The following PDIA5 variants were observed in gnomAD, a reference collection of about 807,000 sequenced individuals.
The protein encoded by PDIA5 is protein disulfide isomerase family A member 5.
Under a neutral mutation model 77.6 loss-of-function variants are expected in PDIA5, and 58 were observed. The observed-to-expected ratio is 0.75, with a 90% CI of 0.61 to 0.93. The LOEUF (loss-of-function observed/expected upper bound fraction) is 0.93. Among genes scored for constraint, PDIA5 ranks in the 40% least tolerant of loss-of-function variants. PDIA5 has a pLI of 0.00. For synonymous variants in PDIA5, 250 were observed against 252.1 expected (o/e 0.99, Z 0.08); for missense variants, 630 against 647.7 (o/e 0.97, Z 0.30).
Position 123,124,166 on chromosome 3 carries a change from C to T in PDIA5, c.701+9C>T. 1 of 1,610,240 alleles carries T rather than the reference C, an allele frequency of 6.2e-7. No individual in the cohort carries two copies. The highest frequency in any genetic ancestry group is 8.5e-7 in the Non-Finnish European group (1 of 1,176,374). On this transcript the variant is annotated intron_variant, in intron 9 of 16. Coordinates refer to ENST00000316218, the MANE Select transcript of PDIA5 (RefSeq NM_006810.4). ...ACCATCTGCTATTTTGAGTACGTCC[C>T]CCACTTTCCTTCTAAAGCTCACCTC...
chr3:123,161,711 C>G, intron 16 of PDIA5, 169 bp from the exon 17 acceptor site: 1 of 667,332 alleles, frequency 1.5e-6, no homozygotes, highest in Non-Finnish European at 2.6e-6. Context: ...ACTTGCTGGT[C>G]GGGGCTGGTG....
intron 1 of PDIA5, 80 bp from the exon 2 acceptor site, chr3:123,089,088 G>A (rs528951983): frequency 1.4e-6 from 2 of 1,404,992 alleles, no homozygotes; most frequent in South Asian, 2.6e-5. Context: ...GCAGCTCTAG[G>A]CAGCACATCC....
At position 123,130,568 on chromosome 3, in the gene PDIA5, C is replaced by T. The variant is rs770477867; in HGVS notation, c.862C>T (p.Gln288Ter). 2 of 1,614,152 alleles carry T rather than the reference C, an allele frequency of 1.2e-6. No individual in the cohort carries two copies. Among genetic ancestry groups the T allele is most frequent in the South Asian group, 1.1e-5 (1 of 91,086 alleles). ...VYHLTDEDFD[Q>*]FVKEHSSVLV... ...TCACCTGACCGATGAAGACTTTGAC[C>T]AGTTTGTGAAGGAACACTCCTCTGT... Residue 288 changes from glutamine (Q) to a stop codon, truncating the protein, a stop_gained, in exon 11 of 17, where the codon CAG becomes TAG. Transcript: ENST00000316218. LOFTEE classifies it high-confidence loss of function.
At chr3:123,141,489 C>T (rs191560597) in intron 11 of PDIA5, among the ~76,000 whole-genome samples, 4 of 152,314 alleles carry the variant, frequency 2.6e-5, no homozygotes, top group Admixed American at 6.5e-5. Context: ...GTTGAACTCT[C>T]GGGCGATAGA....
intron 1 of PDIA5, among the ~76,000 whole-genome samples, chr3:123,086,840 TTA>T (rs1164703691): frequency 1.3e-5 from 2 of 152,232 alleles, no homozygotes; most frequent in Non-Finnish European, 2.9e-5. Context: ...GTGGTAAATG[TTA>T]TACATCTGAT....
chr3:123,124,055 C>T lies in PDIA5; in HGVS notation c.610-11C>T, dbSNP rs1251171310. The T allele has an allele frequency of 6.2e-7, 1 of 1,601,258 alleles. No homozygotes were observed. The highest frequency in any genetic ancestry group is 1.1e-5 in the South Asian group (1 of 90,824). On this transcript the variant is annotated splice_polypyrimidine_tract_variant and intron_variant, in intron 8 of 16. Coordinates refer to ENST00000316218, the MANE Select transcript of PDIA5 (RefSeq NM_006810.4). ...ACAGGCTCCACACGGCTCTTCTCCG[C>T]TTCCTCCCAGGTGCTGGCCGGGATG...
At chr3:123,142,429 A>G (rs537581664) in intron 11 of PDIA5, among the ~76,000 whole-genome samples, 1 of 152,374 alleles carries the variant, frequency 6.6e-6, no homozygotes, top group South Asian at 2.1e-4. Context: ...CACATGGCTC[A>G]TGATGATGCT....
At chr3:123,088,251 C>A (rs1576436807) in intron 1 of PDIA5, among the ~76,000 whole-genome samples, 3 of 152,156 alleles carry the variant, frequency 2.0e-5, no homozygotes, top group Admixed American at 2.0e-4. Flanking sequence ...TTAATAAACC[C>A]CCACCCATTG....
chr3:123,072,105 C>T (rs1169309591), intron 1 of PDIA5, among the ~76,000 whole-genome samples: 7 of 145,030 alleles, frequency 4.8e-5, no homozygotes, highest in Non-Finnish European at 7.5e-5. Context: ...TCAATCAGGC[C>T]GCATGTAGGG....
At chr3:123,161,830 G>T in intron 16 of PDIA5, 50 bp from the exon 17 acceptor site, 1 of 1,203,406 alleles carries the variant, frequency 8.3e-7, no homozygotes, top group Non-Finnish European at 1.2e-6. Flanking sequence ...TGCACAGCCA[G>T]CTCAGGGATT....
Position 123,161,974 on chromosome 3 carries a change from A to G in PDIA5, c.*14A>G, listed in dbSNP as rs11541948. On this transcript the variant is annotated 3_prime_UTR_variant, in exon 17 of 17. Coordinates refer to ENST00000316218, the MANE Select transcript of PDIA5 (RefSeq NM_006810.4). The stretch of plus-strand genomic sequence containing the variant: ...GAAGAGTTATAATTCCTGCCTCAGA[A>G]AAAGCTTTTCCATTACACTGTGAAT... The G allele has an allele frequency of 2.0e-6, 3 of 1,509,736 alleles. No homozygotes were observed. The highest frequency in any genetic ancestry group is 2.8e-6 in the Non-Finnish European group (3 of 1,086,088). The allele number at this position is 1,509,736 out of a possible 1,614,324, so 93.5% of individuals were successfully genotyped here. A position where few individuals can be genotyped will look rare whatever the true frequency, so the allele number is the denominator to read the frequency against.
At position 123,161,311 on chromosome 3, in the gene PDIA5, T is replaced by C. The variant is rs143399213; in HGVS notation, c.1345-10T>C. 3.7e-6 allele frequency: 6 copies of C among 1,613,000 alleles called. No homozygotes were observed. The African/African-American group carries it at 8.0e-5, about 22-fold the overall frequency. ...CACCCTGTGCCAACTCTCTTTACCTTGGCTCCTAGATTGCCTGTGCCGCTG... is the reference window on the plus strand; with the variant it reads ...CACCCTGTGCCAACTCTCTTTACCTCGGCTCCTAGATTGCCTGTGCCGCTG... On this transcript the variant is annotated splice_polypyrimidine_tract_variant and intron_variant, in intron 15 of 16. Transcript: ENST00000316218.
Position 123,161,905 on chromosome 3 carries a change from G to A in PDIA5, c.1505G>A (p.Arg502Gln), listed in dbSNP as rs764062770. Reference protein sequence around the residue: ...RTELGFTNYIRALREGDHERL... With the variant: ...RTELGFTNYIQALREGDHERL... ...GAATTGGGATTTACCAATTATATTC[G>A]AGCCCTCCGGGAGGGAGACCATGAA... The change falls in exon 17 of 17, where the codon CGA becomes CAA. Residue 502 changes from arginine (R) to glutamine (Q), a missense_variant. By Grantham distance (43) the Arg-to-Gln change is conservative. Coordinates refer to ENST00000316218, the MANE Select transcript of PDIA5 (RefSeq NM_006810.4). The A allele has an allele frequency of 6.9e-6, 11 of 1,602,118 alleles. No homozygotes were observed. The highest frequency in any genetic ancestry group is 2.2e-5 in the East Asian group (1 of 44,842).
intron 10 of PDIA5, among the ~76,000 whole-genome samples, chr3:123,128,406 A>G (rs1015880104): frequency 1.3e-5 from 2 of 151,952 alleles, no homozygotes; most frequent in African/African-American, 4.9e-5. Context: ...ACTCCTGCAA[A>G]ATATAGCCTT....
At chr3:123,085,467 G>A (rs994268024) in intron 1 of PDIA5, among the ~76,000 whole-genome samples, 6 of 152,230 alleles carry the variant, frequency 3.9e-5, no homozygotes, top group African/African-American at 1.2e-4. Flanking sequence ...CAAATGCTGG[G>A]TGAGGGGCTT....
At chr3:123,106,607 A>G (rs1934739373) in intron 5 of PDIA5, 142 bp from the exon 6 acceptor site, 1 of 657,740 alleles carries the variant, frequency 1.5e-6, no homozygotes, top group Non-Finnish European at 2.7e-6. Flanking sequence ...CACACCCTCC[A>G]AGCTTATGCC....
Position 123,145,546 on chromosome 3 carries a change from A to C in PDIA5, c.935A>C (p.Lys312Thr). ...GGGTGTGGCCACTGTAAGAAAATGA[A>C]GCCGGAGTTTGAGAAGGCAGCAGAA... ...APWCGHCKKM[K>T]PEFEKAAEAL... Residue 312 changes from lysine to threonine, a missense_variant, in exon 12 of 17, where the codon AAG (lysine) becomes ACG (threonine). Physicochemically the swap from Lys to Thr is moderately conservative, Grantham distance 78. Transcript: ENST00000316218. 6.2e-7 allele frequency: 1 copy of C among 1,614,054 alleles called. No individual in the cohort carries two copies. Among genetic ancestry groups the C allele is most frequent in the Non-Finnish European group, 8.5e-7 (1 of 1,179,924 alleles).
At chr3:123,127,331 C>A (rs1474990760) in intron 10 of PDIA5, among the ~76,000 whole-genome samples, 1 of 152,216 alleles carries the variant, frequency 6.6e-6, no homozygotes, top group African/African-American at 2.4e-5. Context: ...TCAATGTTTG[C>A]ATTTCCTCAC....
intron 10 of PDIA5, among the ~76,000 whole-genome samples, chr3:123,126,337 C>T (rs1464323199): frequency 2.0e-5 from 3 of 152,104 alleles, no homozygotes; most frequent in African/African-American, 7.2e-5. Context: ...TCCTACTTCC[C>T]CCCATCCCCC....
Sources: allele counts gnomAD v4.1 joint callset (sites outside exome capture counted in the v4.1 genomes callset), GRCh38; gene constraint gnomAD v4.1.1; transcripts MANE v1.5; gene names NCBI Gene and HGNC (gene_info 2026-07-23, HGNC 2026-07-21).